Variants in HIVEP3 observed in about 807,000 individuals in gnomAD.
HIVEP3 encodes the protein HIVEP zinc finger 3.
HIVEP3 carries 49 observed loss-of-function variants against 152.8 expected under a neutral mutation model. The ratio of observed to expected loss-of-function variants is 0.32; its 90% CI spans 0.26 to 0.41. The LOEUF is 0.41. Ranked by LOEUF, HIVEP3 falls within the 10% of genes least tolerant of loss-of-function variation. The pLI is 1.00. For synonymous variants in HIVEP3, 1,269 were observed against 1,289.0 expected (o/e 0.98, Z 0.33); for missense variants, 2,790 against 3,103.3 (o/e 0.90, Z 2.40).
chr1:41,510,723 G>T lies in HIVEP3; in HGVS notation c.6949C>A (p.Arg2317=). The change falls in exon 9 of 9, where the codon CGG becomes AGG. Residue 2317 remains arginine (R), a synonymous_variant. Transcript: ENST00000372583. ...SPCTPPDTLP[R]PPQGRRAAQS... is the part of the protein sequence containing the mutation. ...GCTGCCCGGCGTCCCTGGGGCGGCC[G>T]GGGCAAGGTGTCGGGTGGGGTGCAG... The T allele has an allele frequency of 6.5e-7, 1 of 1,541,610 alleles. No homozygotes were observed. The highest frequency in any genetic ancestry group is 2.4e-5 in the East Asian group (1 of 42,402).
At chr1:41,951,676 A>G (rs1645108026) in intron 1 of HIVEP3, among the ~76,000 whole-genome samples, 2 of 152,200 alleles carry the variant, frequency 1.3e-5, no homozygotes, top group African/African-American at 2.4e-5. Flanking sequence ...GGAAACGTAC[A>G]ATCATGGTGG....
chr1:41,743,589 C>T (rs186072444), intron 1 of HIVEP3, among the ~76,000 whole-genome samples: 229 of 152,282 alleles, frequency 1.5e-3, no homozygotes, highest in Non-Finnish European at 2.6e-3. Flanking sequence ...CTGAATGTCC[C>T]GTCCTATCCT....
intron 1 of HIVEP3, among the ~76,000 whole-genome samples, chr1:41,875,789 A>G (rs371982543): frequency 1.3e-5 from 2 of 152,242 alleles, no homozygotes; most frequent in African/African-American, 4.8e-5. Context: ...AGCAGGGTAC[A>G]TGCCCTGCAC....
At chr1:41,885,602 G>A (rs1014659770) in intron 1 of HIVEP3, among the ~76,000 whole-genome samples, 4 of 152,180 alleles carry the variant, frequency 2.6e-5, no homozygotes, top group Non-Finnish European at 5.9e-5. Context: ...GAGGCAGGGG[G>A]TGCAGTGAGC....
At chr1:41,558,756 C>T (rs545399587) in intron 5 of HIVEP3, among the ~76,000 whole-genome samples, 11 of 152,338 alleles carry the variant, frequency 7.2e-5, no homozygotes, top group African/African-American at 2.6e-4. Context: ...GCTCTAGTCT[C>T]TAAAAACTTT....
chr1:41,854,123 C>G (rs1643685363), intron 1 of HIVEP3, among the ~76,000 whole-genome samples: 1 of 152,138 alleles, frequency 6.6e-6, no homozygotes, highest in Non-Finnish European at 1.5e-5. Flanking sequence ...CTCCCTCTCT[C>G]TCTCCCTCTC....
At chr1:41,610,484 AC>A (rs1485749648) in intron 3 of HIVEP3, among the ~76,000 whole-genome samples, 1 of 152,192 alleles carries the variant, frequency 6.6e-6, no homozygotes, top group African/African-American at 2.4e-5. Flanking sequence ...GGGGAATCCT[AC>A]TGGATGGTGG....
chr1:41,742,256 A>C (rs916867215), intron 1 of HIVEP3, among the ~76,000 whole-genome samples: 1 of 152,072 alleles, frequency 6.6e-6, no homozygotes, highest in African/African-American at 2.4e-5. Flanking sequence ...CCATCTGTCC[A>C]TTATTCCATC....
intron 1 of HIVEP3, among the ~76,000 whole-genome samples, chr1:41,755,055 A>G (rs574998768): frequency 6.6e-5 from 10 of 152,378 alleles, no homozygotes; most frequent in Admixed American, 4.6e-4. Flanking sequence ...TGATGTTAAG[A>G]CATGATATAG....
chr1:41,785,666 T>C (rs1649303332), intron 1 of HIVEP3, among the ~76,000 whole-genome samples: 2 of 152,240 alleles, frequency 1.3e-5, no homozygotes, highest in African/African-American at 4.8e-5. Context: ...CAAATTTTGA[T>C]GCTAATTTCC....
chr1:41,945,154 C>G (rs1570833107), intron 1 of HIVEP3, among the ~76,000 whole-genome samples: 2 of 152,130 alleles, frequency 1.3e-5, no homozygotes, highest in Admixed American at 1.3e-4. Context: ...CTACAGGAAG[C>G]CTTCAGAGTC....
chr1:41,817,322 G>A (rs1642437548), intron 1 of HIVEP3, among the ~76,000 whole-genome samples: 1 of 152,210 alleles, frequency 6.6e-6, no homozygotes, highest in African/African-American at 2.4e-5. Context: ...GGGGTGGAGG[G>A]AAGTGATGCA....
At position 41,749,986 on chromosome 1, in the gene HIVEP3, C is replaced by A. The variant is rs559553540; in HGVS notation, c.-800-48991G>T. Among the ~76,000 whole-genome samples the A allele has an allele frequency of 2.6e-4, 39 of 152,304 alleles. No individual in the cohort carries two copies. The South Asian group carries it at 7.5e-3, about 29-fold the overall frequency. ...CCTGGCCCAGTTGATCACTTGGAAC[C>A]TTTCTGGCTTGTGAGGTCTGAGCCC... On this transcript the variant is annotated intron_variant, in intron 1 of 8. Transcript: ENST00000372583.
intron 3 of HIVEP3, among the ~76,000 whole-genome samples, chr1:41,620,627 C>A (rs532278252): frequency 2.1e-3 from 320 of 152,298 alleles, no homozygotes; most frequent in African/African-American, 7.3e-3. Flanking sequence ...CCACCCAGCA[C>A]GCCCCAATCC....
chr1:41,643,787 G>A (rs1484269509), intron 2 of HIVEP3, among the ~76,000 whole-genome samples: 1 of 151,806 alleles, frequency 6.6e-6, no homozygotes, highest in Non-Finnish European at 1.5e-5. Context: ...AGTGAAGGGC[G>A]TTCCACCTCT....
intron 5 of HIVEP3, among the ~76,000 whole-genome samples, chr1:41,538,175 G>A (rs569721086): frequency 6.6e-6 from 1 of 152,298 alleles, no homozygotes; most frequent in South Asian, 2.1e-4. Context: ...CTTTTTGGGT[G>A]CACAGGGTCA....
intron 1 of HIVEP3, among the ~76,000 whole-genome samples, chr1:41,959,493 T>A (rs1645157824): frequency 6.6e-6 from 1 of 152,208 alleles, no homozygotes. Context: ...CTGCTCCTGC[T>A]ACTTACCACA....
chr1:41,899,517 CT>C (rs1425391206), intron 1 of HIVEP3, among the ~76,000 whole-genome samples: 1 of 152,116 alleles, frequency 6.6e-6, no homozygotes, highest in Non-Finnish European at 1.5e-5. Context: ...AGCAATTCTC[CT>C]GCCTCAGCCT....
intron 1 of HIVEP3, among the ~76,000 whole-genome samples, chr1:41,786,150 T>G (rs2124290548): frequency 6.6e-6 from 1 of 152,332 alleles, no homozygotes. Flanking sequence ...ACTGTGGTCC[T>G]AGGCAGGTCA....
Sources: gnomAD v4.1 joint callset for allele counts (sites outside exome capture counted in the v4.1 genomes callset) on GRCh38, gnomAD v4.1.1 for gene constraint, MANE v1.5 for transcripts, NCBI Gene and HGNC (gene_info 2026-07-23, HGNC 2026-07-21) for gene names.